Variants in ZNF41 observed in about 807,000 individuals in gnomAD.
The protein encoded by ZNF41 is zinc finger protein 41.
In ZNF41, 6 loss-of-function variants were observed where a neutral mutation model predicts 9.3. The ratio of observed to expected loss-of-function variants is 0.65; its 90% CI spans 0.35 to 1.28. The LOEUF is 1.28. Among genes scored for constraint, ZNF41 ranks in the 50% most tolerant of loss-of-function variants. The pLI is 0.03. For missense variants in ZNF41, 523 were observed against 585.8 expected, an observed-to-expected ratio of 0.89 and a Z score of 1.11; for synonymous variants, 192 against 207.1, an observed-to-expected ratio of 0.93 and a Z score of 0.63.
intron 1 of ZNF41, among the ~76,000 whole-genome samples, chrX:47,479,405 A>C (rs2057415944): frequency 8.9e-6 from 1 of 112,307 alleles, no homozygotes; most frequent in Non-Finnish European, 1.9e-5. Context: ...CAAGATAGCA[A>C]ATACCCTCTA....
At position 47,449,239 on chromosome X, in the gene ZNF41, A is replaced by G. The variant is rs752948687; in HGVS notation, c.531T>C (p.His177=). The G allele has an allele frequency of 1.7e-6, 2 of 1,209,716 alleles. No homozygotes were observed. Among genetic ancestry groups the G allele is most frequent in the Non-Finnish European group, 2.2e-6 (2 of 895,201 alleles). ...TTGAAGGAACAAGCTTGGTAGTCACATGAATTATTTTTTCAATGTTTTTAT... is the reference window on the plus strand; with the variant it reads ...TTGAAGGAACAAGCTTGGTAGTCACGTGAATTATTTTTTCAATGTTTTTAT... ...YEHKNIEKII[H]VTTKLVPSIK... The change falls in exon 5 of 5, where the codon CAT becomes CAC. Residue 177 remains histidine, a synonymous_variant. Transcript: ENST00000684689.
At chrX:47,470,415 A>C (rs1166412588) in intron 1 of ZNF41, among the ~76,000 whole-genome samples, 2 of 101,333 alleles carry the variant, frequency 2.0e-5, no homozygotes, top group South Asian at 4.5e-4. Context: ...CCGTCTCAAA[A>C]AAAAAAAAAA....
intron 1 of ZNF41, among the ~76,000 whole-genome samples, chrX:47,470,726 TCA>T (rs1746679638): frequency 2.3e-5 from 1 of 42,886 alleles, no homozygotes. Flanking sequence ...AGACTCTATT[TCA>T]AAAAAAAAAA....
chrX:47,460,390 A>T (rs1003598129), intron 2 of ZNF41, among the ~76,000 whole-genome samples: 2 of 112,763 alleles, frequency 1.8e-5, no homozygotes, highest in Non-Finnish European at 3.7e-5. Context: ...GTTCTCAAAC[A>T]TGAACCATGA....
chrX:47,467,504 C>T lies in ZNF41; in HGVS notation c.-23G>A. On this transcript the variant is annotated 5_prime_UTR_variant, in exon 2 of 5. An upstream open reading frame in the 5' UTR loses its in-frame stop. Coordinates refer to ENST00000684689, the MANE Select transcript of ZNF41 (RefSeq NM_001324144.2). Reference sequence around the variant, plus strand: ...CATGTTCACGCTGGGCCTCAGCCCTCAGGCTCTCCTGCTGACAACCCCACT... The same window carrying T: ...CATGTTCACGCTGGGCCTCAGCCCTTAGGCTCTCCTGCTGACAACCCCACT... 1 of 1,175,909 alleles carries T rather than the reference C, an allele frequency of 8.5e-7. No individual in the cohort carries two copies. Among genetic ancestry groups the T allele is most frequent in the South Asian group, 1.9e-5 (1 of 53,283 alleles).
intron 4 of ZNF41, among the ~76,000 whole-genome samples, chrX:47,454,746 T>C (rs1203642357): frequency 9.1e-6 from 1 of 109,900 alleles, no homozygotes; most frequent in Non-Finnish European, 1.9e-5. Context: ...CACACTAAAA[T>C]ATGGAGAGAC....
At chrX:47,482,594 GGTGCGTGCGTGCGCGTGCGCGT>G (rs1316363955) in intron 1 of ZNF41, 12 of 87,338 alleles carry the variant, frequency 1.4e-4, no homozygotes, top group Non-Finnish European at 2.9e-4. Context: ...ACACCGCGCC[GGTGCGTGCGTGCGCGTGCGCGT>G]GTGCGTCGAA....
intron 2 of ZNF41, among the ~76,000 whole-genome samples, chrX:47,465,323 G>A (rs920192377): frequency 8.9e-6 from 1 of 112,234 alleles, no homozygotes; most frequent in African/African-American, 3.2e-5. Context: ...ACAAAGTTTT[G>A]TTAGAGGGAA....
At chrX:47,450,091 T>C (rs2056303041) in intron 4 of ZNF41, among the ~76,000 whole-genome samples, 1 of 112,124 alleles carries the variant, frequency 8.9e-6, no homozygotes, top group African/African-American at 3.2e-5. Context: ...TCTATATGCC[T>C]CAAACACCAA....
At chrX:47,458,812 G>C (rs1397543340) in intron 2 of ZNF41, among the ~76,000 whole-genome samples, 1 of 105,371 alleles carries the variant, frequency 9.5e-6, no homozygotes. Context: ...GTAGAGACAG[G>C]GGTCTCCCTA....
rs56656289 is a variant in ZNF41 at position 47,473,512 on chromosome X, G to A, written c.-279-5752C>T. ...GCATAAACCTTCAGGATCATTCAACGCATACAAATAAAACCAGCACAAATG... is the reference window on the plus strand; with the variant it reads ...GCATAAACCTTCAGGATCATTCAACACATACAAATAAAACCAGCACAAATG... On this transcript the variant is annotated intron_variant, in intron 1 of 4. Transcript: ENST00000684689. 2.1e-3 allele frequency among the ~76,000 whole-genome samples: 238 copies of A among 111,711 alleles called. No individual in the cohort carries two copies. In the East Asian group the frequency reaches 0.057, roughly 27 times the overall value.
In ZNF41 at chrX:47,445,976, C is replaced by G. The variant is rs2056100261; in HGVS notation, c.*1454G>C. 9.1e-6 allele frequency: 1 copy of G among 110,481 alleles called. No individual in the cohort carries two copies. The highest frequency in any genetic ancestry group is 9.7e-5 in the Admixed American group (1 of 10,333). 9.1% of individuals were successfully genotyped at this position (110,481 alleles called of 1,213,427 possible). On this transcript the variant is annotated 3_prime_UTR_variant, in exon 5 of 5. Coordinates refer to ENST00000684689, the MANE Select transcript of ZNF41 (RefSeq NM_001324144.2). Reference sequence around the variant, plus strand: ...TGTGAGAAGCCAGGATAATGTATACCCTTGGGGGCTTGCCTGGAAGGGAAA... The same window carrying G: ...TGTGAGAAGCCAGGATAATGTATACGCTTGGGGGCTTGCCTGGAAGGGAAA...
rs745701586 is a variant in ZNF41 at position 47,448,261 on chromosome X, G to A, written c.1509C>T (p.Val503=). The part of the protein sequence containing the change: ...KPYICTECGK[V]FTHRTNLTTH... ...TGGTGAGGTTTGTCCTGTGAGTGAA[G>A]ACCTTTCCACATTCTGTACATATAT... Residue 503 remains valine (V), a synonymous_variant, in exon 5 of 5, where the codon GTC becomes GTT. Coordinates refer to ENST00000684689, the MANE Select transcript of ZNF41 (RefSeq NM_001324144.2). 1.7e-6 allele frequency: 2 copies of A among 1,211,485 alleles called. No homozygotes were observed. Among genetic ancestry groups the A allele is most frequent in the South Asian group, 3.5e-5 (2 of 56,967 alleles).
At chrX:47,468,582 G>C (rs779515405) in intron 1 of ZNF41, among the ~76,000 whole-genome samples, 55 of 110,850 alleles carry the variant, frequency 5.0e-4, no homozygotes, top group African/African-American at 1.8e-3. Context: ...CACCAACCCA[G>C]GCAGCACACC....
intron 1 of ZNF41, among the ~76,000 whole-genome samples, chrX:47,477,425 T>C (rs1425265597): frequency 8.8e-6 from 1 of 113,009 alleles, no homozygotes; most frequent in African/African-American, 3.2e-5. Flanking sequence ...ATTACAGGCG[T>C]GAGCCACCGT....
intron 1 of ZNF41, among the ~76,000 whole-genome samples, chrX:47,470,641 C>G (rs1189500850): frequency 2.2e-5 from 2 of 91,118 alleles, no homozygotes; most frequent in Non-Finnish European, 4.3e-5. Context: ...GCGTGAGAAT[C>G]GCTTGAACCC....
rs1446826294 is a variant in ZNF41 at position 47,481,740 on chromosome X, TA to T, written c.-280+1354del. Among the ~76,000 whole-genome samples, 3 of 112,251 alleles carry T rather than the reference TA, an allele frequency of 2.7e-5. No individual in the cohort carries two copies. In the East Asian group the frequency reaches 8.3e-4, roughly 31 times the overall value. On this transcript the variant is annotated intron_variant, in intron 1 of 4. Coordinates refer to ENST00000684689, the MANE Select transcript of ZNF41 (RefSeq NM_001324144.2). ...GAGAAAAATTTATAAACTGAATGTT[TA>T]TATTATAAAATAAAATGACTGGATA...
intron 1 of ZNF41, among the ~76,000 whole-genome samples, chrX:47,469,989 G>C (rs781467114): frequency 2.2e-4 from 25 of 111,655 alleles, no homozygotes; most frequent in Non-Finnish European, 3.4e-4. Context: ...TTTGGATTTA[G>C]TAATATAGAA....
At chrX:47,450,507 G>A (rs2056324084) in intron 4 of ZNF41, among the ~76,000 whole-genome samples, 1 of 111,076 alleles carries the variant, frequency 9.0e-6, no homozygotes, top group African/African-American at 3.3e-5. Flanking sequence ...CACCGTGCCG[G>A]CCCCAGCTGC....
Sources: gnomAD v4.1 joint callset for allele counts (sites outside exome capture counted in the v4.1 genomes callset) on GRCh38, gnomAD v4.1.1 for gene constraint, MANE v1.5 for transcripts, NCBI Gene and HGNC (gene_info 2026-07-23, HGNC 2026-07-21) for gene names.